The following LAX1 variants were observed in gnomAD, a reference collection of about 807,000 sequenced individuals.
LAX1 encodes lymphocyte transmembrane adaptor 1.
In LAX1, 17 loss-of-function variants were observed where a neutral mutation model predicts 20.7. That is an observed-to-expected ratio of 0.82 (90% CI 0.56 to 1.23). The LOEUF (loss-of-function observed/expected upper bound fraction) is 1.23. LAX1 is among the 50% of genes most tolerant of loss of function. The pLI is 0.00. For synonymous variants in LAX1, 165 were observed against 181.0 expected, an observed-to-expected ratio of 0.91 and a Z score of 0.71; for missense variants, 470 against 487.0, an observed-to-expected ratio of 0.97 and a Z score of 0.33.
At chr1:203,766,910 C>T (rs1198256990) in intron 1 of LAX1, among the ~76,000 whole-genome samples, 3 of 151,986 alleles carry the variant, frequency 2.0e-5, no homozygotes, top group Non-Finnish European at 4.4e-5. Context: ...GGCTGGAGTG[C>T]AGTGGCGTGA....
At chr1:203,769,438 AAAGAAGGAAAG>A (rs1667362572) in intron 1 of LAX1, among the ~76,000 whole-genome samples, 1 of 91,228 alleles carries the variant, frequency 1.1e-5, no homozygotes, top group Non-Finnish European at 2.6e-5. Context: ...AGAAAGAAAG[AAAGAAGGAAAG>A]AAAGAAAAGA....
At position 203,765,642 on chromosome 1, in the gene LAX1, G is replaced by A. The variant is rs143911733; in HGVS notation, c.77G>A (p.Arg26His). The A allele has an allele frequency of 2.7e-4, 434 of 1,614,018 alleles. No homozygotes were observed. In the African/African-American group the frequency reaches 5.0e-3, roughly 19 times the overall value. Residue 26 changes from arginine (R) to histidine (H), a missense_variant, in exon 1 of 5, where the codon CGC becomes CAC. Arg to His is a conservative substitution (Grantham distance 29). Coordinates refer to ENST00000442561, the MANE Select transcript of LAX1 (RefSeq NM_017773.4). Reference protein sequence around the residue: ...LESSTLHVTPRSLDRNKDQIT... With the variant: ...LESSTLHVTPHSLDRNKDQIT... ...TCCAGCACTCTGCATGTGACTCCCC[G>A]CAGCCTGGACAGGTGAGTGACTCAG...
Position 203,765,636 on chromosome 1 carries a change from C to T in LAX1, c.71C>T (p.Thr24Ile). Residue 24 changes from threonine (T) to isoleucine (I), a missense_variant, in exon 1 of 5, where the codon ACT becomes ATT. Thr to Ile is a moderately conservative substitution (Grantham distance 89). Coordinates refer to ENST00000442561, the MANE Select transcript of LAX1 (RefSeq NM_017773.4). Reference protein sequence around the residue: ...RTLESSTLHVTPRSLDRNKDQ... With the variant: ...RTLESSTLHVIPRSLDRNKDQ... ...TTGGAGTCCAGCACTCTGCATGTGA[C>T]TCCCCGCAGCCTGGACAGGTGAGTG... 1 of 1,614,138 alleles carries T rather than the reference C, an allele frequency of 6.2e-7. No homozygotes were observed.
At chr1:203,772,688 A>C (rs1189973227) in intron 4 of LAX1, among the ~76,000 whole-genome samples, 1 of 150,498 alleles carries the variant, frequency 6.6e-6, no homozygotes, top group Non-Finnish European at 1.5e-5. Context: ...GGCCTCCCAA[A>C]GTGCTGAGAT....
At chr1:203,769,235 A>G (rs1356399754) in intron 1 of LAX1, among the ~76,000 whole-genome samples, 1 of 151,322 alleles carries the variant, frequency 6.6e-6, no homozygotes, top group African/African-American at 2.4e-5. Flanking sequence ...ATAAAAATAC[A>G]AAAAAAATTA....
At chr1:203,769,845 T>A (rs1667374768) in intron 1 of LAX1, 1 of 150,794 alleles carries the variant, frequency 6.6e-6, no homozygotes, top group Non-Finnish European at 1.5e-5. Flanking sequence ...ACAGAGCCAC[T>A]CCTTAACTGT....
Position 203,773,913 on chromosome 1 carries a change from C to T in LAX1, c.429C>T (p.Ala143=). 1 of 1,613,924 alleles carries T rather than the reference C, an allele frequency of 6.2e-7. No homozygotes were observed. Among genetic ancestry groups the T allele is most frequent in the Non-Finnish European group, 8.5e-7 (1 of 1,179,960 alleles). ...GCAATGCCTTCCAGGAGCATACAGC[C>T]CACATCCATGCCACAGAGTACGCGG... ...QAGNAFQEHT[A]HIHATEYAVG... is the part of the protein sequence containing the mutation. Residue 143 remains alanine (A), a synonymous_variant, in exon 5 of 5, where the codon GCC becomes GCT. Coordinates refer to ENST00000442561, the MANE Select transcript of LAX1 (RefSeq NM_017773.4).
In LAX1 at chr1:203,775,142, G is replaced by T; in HGVS notation, c.*461G>T. On this transcript the variant is annotated 3_prime_UTR_variant, in exon 5 of 5. Coordinates refer to ENST00000442561, the MANE Select transcript of LAX1 (RefSeq NM_017773.4). ...AGGCCAGGTGCAGTGGCTCATGCCTGTAATCCCAGCATTTTGGTAGGCCGA... is the reference window on the plus strand; with the variant it reads ...AGGCCAGGTGCAGTGGCTCATGCCTTTAATCCCAGCATTTTGGTAGGCCGA... 6.2e-6 allele frequency: 1 copy of T among 160,732 alleles called. No homozygotes were observed. Among genetic ancestry groups the T allele is most frequent in the South Asian group, 1.8e-4 (1 of 5,518 alleles). 10.0% of individuals were successfully genotyped at this position (160,732 alleles called of 1,614,324 possible).
At chr1:203,770,244 C>T (rs950161339) in intron 1 of LAX1, among the ~76,000 whole-genome samples, 2 of 151,384 alleles carry the variant, frequency 1.3e-5, no homozygotes, top group South Asian at 2.1e-4. Context: ...GGTGAAACCC[C>T]GCCTCTATTA....
chr1:203,772,030 G>A (rs999808882), intron 3 of LAX1, 38 bp from the exon 4 acceptor site: 6 of 1,509,248 alleles, frequency 4.0e-6, no homozygotes, highest in Non-Finnish European at 5.5e-6. Flanking sequence ...GCACTCAGAG[G>A]ACTGGCTATC....
At chr1:203,771,895 G>T (rs1410001628) in intron 3 of LAX1, among the ~76,000 whole-genome samples, 173 bp from the exon 4 acceptor site, 1 of 152,144 alleles carries the variant, frequency 6.6e-6, no homozygotes, top group East Asian at 1.9e-4. Flanking sequence ...GGGGCTTCCG[G>T]TTCTCAGAGT....
At chr1:203,770,188 C>T (rs1403067709) in intron 1 of LAX1, among the ~76,000 whole-genome samples, 3 of 151,644 alleles carry the variant, frequency 2.0e-5, no homozygotes, top group East Asian at 3.9e-4. Flanking sequence ...GAGGCCAAGG[C>T]GGGCAGATGA....
intron 1 of LAX1, among the ~76,000 whole-genome samples, chr1:203,769,435 AAGAAAGAAG>A (rs1434497843): frequency 6.1e-4 from 62 of 102,164 alleles, no homozygotes; most frequent in South Asian, 1.3e-3. Context: ...GAAAGAAAGA[AAGAAAGAAG>A]GAAAGAAAGA....
intron 1 of LAX1, among the ~76,000 whole-genome samples, chr1:203,768,231 G>C (rs1667336968): frequency 6.6e-6 from 1 of 152,040 alleles, no homozygotes; most frequent in African/African-American, 2.4e-5. Context: ...GAATCACTTG[G>C]ACCCAGGAGG....
chr1:203,770,825 T>C lies in LAX1; in HGVS notation c.90-3T>C. On this transcript the variant is annotated splice_region_variant and splice_polypyrimidine_tract_variant and intron_variant, in intron 1 of 4. Coordinates refer to ENST00000442561, the MANE Select transcript of LAX1 (RefSeq NM_017773.4). ...AGCACATGTCATTCGATTGTTTTTCTAGAAATAAAGACCAGATCACCAACA... is the reference window on the plus strand; with the variant it reads ...AGCACATGTCATTCGATTGTTTTTCCAGAAATAAAGACCAGATCACCAACA... The C allele has an allele frequency of 6.2e-7, 1 of 1,611,764 alleles. No homozygotes were observed. Among genetic ancestry groups the C allele is most frequent in the Non-Finnish European group, 8.5e-7 (1 of 1,177,796 alleles).
chr1:203,772,725 A>ACT (rs1553254555), intron 4 of LAX1, among the ~76,000 whole-genome samples: 1 of 137,656 alleles, frequency 7.3e-6, no homozygotes, highest in Admixed American at 7.3e-5. Flanking sequence ...CGTGCCCAGC[A>ACT]TTTTTTTTTT....
intron 1 of LAX1, 114 bp downstream of exon 1, chr1:203,765,768 G>A (rs572695793): frequency 1.3e-5 from 13 of 975,990 alleles, no homozygotes; most frequent in Admixed American, 2.1e-5. Flanking sequence ...ACCCAGGCTC[G>A]GTCTACTAAA....
Position 203,765,658 on chromosome 1 carries a change from A to C in LAX1, c.89+4A>C. 1 of 1,613,916 alleles carries C rather than the reference A, an allele frequency of 6.2e-7. No individual in the cohort carries two copies. Among genetic ancestry groups the C allele is most frequent in the Non-Finnish European group, 8.5e-7 (1 of 1,179,936 alleles). On this transcript the variant is annotated splice_donor_region_variant and intron_variant, in intron 1 of 4. Transcript: ENST00000442561. Reference sequence around the variant, plus strand: ...TGACTCCCCGCAGCCTGGACAGGTGAGTGACTCAGGGTGGTGAGCTCCACC... The same window carrying C: ...TGACTCCCCGCAGCCTGGACAGGTGCGTGACTCAGGGTGGTGAGCTCCACC...
intron 1 of LAX1, among the ~76,000 whole-genome samples, chr1:203,769,422 AAAG>A (rs1667361080): frequency 2.0e-5 from 2 of 98,010 alleles, no homozygotes; most frequent in African/African-American, 6.3e-5. Context: ...AGAAAGAAAG[AAAG>A]AAAGAAAGAA....
Sources: gnomAD v4.1 joint callset for allele counts (sites outside exome capture counted in the v4.1 genomes callset) on GRCh38, gnomAD v4.1.1 for gene constraint, MANE v1.5 for transcripts, NCBI Gene and HGNC (gene_info 2026-07-23, HGNC 2026-07-21) for gene names.